CRPPA: variants seen among roughly 807,000 people sequenced by gnomAD.
CRPPA encodes D-ribitol-5-phosphate cytidylyltransferase.
Under a neutral mutation model 52.0 loss-of-function variants are expected in CRPPA, and 43 were observed. The ratio of observed to expected loss-of-function variants is 0.83; its 90% CI spans 0.65 to 1.07. The LOEUF is 1.07. Ranked by LOEUF, CRPPA falls within the 50% of genes least tolerant of loss-of-function variation. CRPPA has a pLI of 0.00. For synonymous variants in CRPPA, 250 were observed against 203.5 expected (o/e 1.23, Z -1.94); for missense variants, 629 against 551.7 (o/e 1.14, Z -1.40).
chr7:16,102,987 C>G (rs553681738), intron 9 of CRPPA, among the ~76,000 whole-genome samples: 43 of 152,182 alleles, frequency 2.8e-4, no homozygotes, highest in African/African-American at 9.6e-4. Flanking sequence ...ATCATTCTAC[C>G]ATAAAGACAG....
At chr7:16,397,013 GT>G (rs2128316006) in intron 2 of CRPPA, among the ~76,000 whole-genome samples, 1 of 152,264 alleles carries the variant, frequency 6.6e-6, no homozygotes, top group East Asian at 1.9e-4. Flanking sequence ...ACTGACACGT[GT>G]GAAACATGTG....
intron 9 of CRPPA, among the ~76,000 whole-genome samples, chr7:16,203,693 G>A (rs1326998017): frequency 6.6e-6 from 1 of 152,062 alleles, no homozygotes; most frequent in East Asian, 1.9e-4. Flanking sequence ...CATTATCTTA[G>A]AATTTTTTCA....
chr7:16,330,813 A>G (rs1785531150), intron 3 of CRPPA, among the ~76,000 whole-genome samples: 1 of 152,158 alleles, frequency 6.6e-6, no homozygotes, highest in African/African-American at 2.4e-5. Context: ...CTAGTGAGCC[A>G]GAGCCTAAAC....
chr7:16,151,769 ACT>A (rs1048758030), intron 9 of CRPPA, among the ~76,000 whole-genome samples: 9 of 151,914 alleles, frequency 5.9e-5, no homozygotes, highest in African/African-American at 1.7e-4. Flanking sequence ...ATTTTATAAG[ACT>A]CTATTTTAAG....
At chr7:16,306,589 C>G (rs1293243260) in intron 4 of CRPPA, among the ~76,000 whole-genome samples, 1 of 152,106 alleles carries the variant, frequency 6.6e-6, no homozygotes, top group African/African-American at 2.4e-5. Context: ...AATCACAGCT[C>G]CAAAGATGTC....
intron 9 of CRPPA, among the ~76,000 whole-genome samples, chr7:16,112,456 G>T (rs971759418): frequency 2.0e-5 from 3 of 152,042 alleles, no homozygotes; most frequent in Non-Finnish European, 2.9e-5. Context: ...CAGCAAAAAA[G>T]AAGTCATATT....
rs114139920 is a variant in CRPPA, at chr7:16,239,657, A to C, written c.1119+18733T>G. Reference sequence around the variant, plus strand: ...CATAAATTGTTCAAATTTCTTACCTAGGGCTACGATCAATGTGAAATGCCT... The same window carrying C: ...CATAAATTGTTCAAATTTCTTACCTCGGGCTACGATCAATGTGAAATGCCT... On this transcript the variant is annotated intron_variant, in intron 8 of 9. Coordinates refer to ENST00000407010, the MANE Select transcript of CRPPA (RefSeq NM_001101426.4). 6.4e-3 allele frequency among the ~76,000 whole-genome samples: 958 copies of C among 150,808 alleles called. 16 individuals carry two copies. Among genetic ancestry groups the C allele is most frequent in the African/African-American group, 0.023 (940 of 41,140 alleles).
chr7:16,168,421 A>C (rs969370058), intron 9 of CRPPA, among the ~76,000 whole-genome samples: 2 of 152,132 alleles, frequency 1.3e-5, no homozygotes, highest in Non-Finnish European at 2.9e-5. Flanking sequence ...TATATGATGG[A>C]TAAAACTATT....
intron 6 of CRPPA, among the ~76,000 whole-genome samples, chr7:16,259,985 A>G (rs1240234185): frequency 1.3e-5 from 2 of 152,052 alleles, no homozygotes; most frequent in Non-Finnish European, 2.9e-5. Context: ...ATTTTAGTTC[A>G]GTTTAAAATT....
chr7:16,359,096 G>C (rs1786377846), intron 3 of CRPPA, among the ~76,000 whole-genome samples: 1 of 152,154 alleles, frequency 6.6e-6, no homozygotes, highest in Non-Finnish European at 1.5e-5. Flanking sequence ...TTTAATATTA[G>C]TAGTTAATAA....
intron 8 of CRPPA, among the ~76,000 whole-genome samples, chr7:16,226,827 C>T (rs1248734794): frequency 6.6e-6 from 1 of 151,786 alleles, no homozygotes; most frequent in African/African-American, 2.4e-5. Flanking sequence ...ATTTTATATC[C>T]TCTCAGAGTT....
chr7:16,352,471 G>C (rs187590847), intron 3 of CRPPA, among the ~76,000 whole-genome samples: 1 of 151,008 alleles, frequency 6.6e-6, no homozygotes, highest in East Asian at 2.0e-4. Flanking sequence ...TTTTTCAAAA[G>C]ACATACAAAG....
chr7:16,209,271 G>GTTTTTTTTTTTTTTTTTTTTTTTTTT, intron 9 of CRPPA: 1 of 137,676 alleles, frequency 7.3e-6, no homozygotes, highest in Non-Finnish European at 1.6e-5. Context: ...GGTTCTAAGT[G>GTTTTTTTTTTTTTTTTTTTTTTTTTT]TCTTTTTTTT....
At chr7:16,379,412 G>C (rs1193793892) in intron 2 of CRPPA, among the ~76,000 whole-genome samples, 2 of 152,200 alleles carry the variant, frequency 1.3e-5, no homozygotes, top group Admixed American at 6.5e-5. Flanking sequence ...ATAGTTTGAA[G>C]TCAGGTAGTG....
At chr7:16,410,638 G>C (rs190825616) in intron 1 of CRPPA, among the ~76,000 whole-genome samples, 1 of 152,008 alleles carries the variant, frequency 6.6e-6, no homozygotes, top group African/African-American at 2.4e-5. Flanking sequence ...GCTGGCTCTC[G>C]AGCAAGACCC....
chr7:16,421,241 C>T lies in CRPPA; in HGVS notation c.82G>A (p.Ala28Thr). The change falls in exon 1 of 10, where the codon GCT (alanine) becomes ACT (threonine). Residue 28 changes from alanine to threonine, a missense_variant. By Grantham distance (58) the Ala-to-Thr change is moderately conservative. Transcript: ENST00000407010. Reference sequence around the variant, plus strand: ...GCCACGCTCTGCAGGGAGGCGGAAGCCGTGTGGTCCGCGCCGCGCTGACCA... The same window carrying T: ...GCCACGCTCTGCAGGGAGGCGGAAGTCGTGTGGTCCGCGCCGCGCTGACCA... ...LSGQRGADHTASASLQSVAGT... is the reference protein window; with the variant it reads ...LSGQRGADHTTSASLQSVAGT... The T allele has an allele frequency of 7.5e-7, 1 of 1,328,368 alleles. No homozygotes were observed. 82.3% of individuals were successfully genotyped at this position (1,328,368 alleles called of 1,614,324 possible). A position where few individuals can be genotyped will look rare whatever the true frequency, so the allele number is the denominator to read the frequency against.
intron 9 of CRPPA, among the ~76,000 whole-genome samples, chr7:16,196,116 A>T (rs1455126389): frequency 6.6e-6 from 1 of 152,190 alleles, no homozygotes; most frequent in African/African-American, 2.4e-5. Context: ...TGTGTATAGA[A>T]ATATAGAACA....
intron 3 of CRPPA, among the ~76,000 whole-genome samples, chr7:16,322,566 A>T (rs1366258691): frequency 6.6e-6 from 1 of 152,186 alleles, no homozygotes; most frequent in African/African-American, 2.4e-5. Context: ...CTGGAGGCCA[A>T]TTCCAGGAAG....
chr7:16,296,643 C>T (rs1429705072), intron 5 of CRPPA, among the ~76,000 whole-genome samples: 1 of 151,826 alleles, frequency 6.6e-6, no homozygotes, highest in Non-Finnish European at 1.5e-5. Flanking sequence ...AAAGTTCCAT[C>T]CTAGAAAGGA....
Sources: gnomAD v4.1 joint callset for allele counts (sites outside exome capture counted in the v4.1 genomes callset) on GRCh38, gnomAD v4.1.1 for gene constraint, MANE v1.5 for transcripts, NCBI Gene and HGNC (gene_info 2026-07-23, HGNC 2026-07-21) for gene names.